Variants in PCDHGA4 observed in about 807,000 individuals in gnomAD.
The protein encoded by PCDHGA4 is protocadherin gamma subfamily A, 4.
In PCDHGA4, 38 loss-of-function variants were observed where a neutral mutation model predicts 54.6. That is an observed-to-expected ratio of 0.70 (90% CI 0.54 to 0.91). PCDHGA4 has a LOEUF of 0.91. Among genes scored for constraint, PCDHGA4 ranks in the 40% least tolerant of loss-of-function variants. The pLI is 0.00. For synonymous variants in PCDHGA4, 511 were observed against 512.9 expected, an observed-to-expected ratio of 1.00 and a Z score of 0.05; for missense variants, 1,298 against 1,220.9, an observed-to-expected ratio of 1.06 and a Z score of -0.94.
At chr5:141,404,287 C>A in intron 1 of PCDHGA4, 1 of 1,613,976 alleles carries the variant, frequency 6.2e-7, no homozygotes, top group Non-Finnish European at 8.5e-7. Flanking sequence ...TGACTGACAT[C>A]AATGATAATC....
At chr5:141,418,563 C>T in intron 1 of PCDHGA4, 2 of 1,613,998 alleles carry the variant, frequency 1.2e-6, no homozygotes, top group Non-Finnish European at 1.7e-6. Context: ...GTAATAGATG[C>T]CAATGACAAC....
intron 1 of PCDHGA4, chr5:141,376,110 G>A (rs772810239): frequency 3.7e-6 from 6 of 1,613,762 alleles, no homozygotes; most frequent in Non-Finnish European, 4.2e-6. Flanking sequence ...GCCGACCTGG[G>A]CAGCCTCGAG....
chr5:141,364,828 T>C (rs57308563), intron 1 of PCDHGA4: 152,960 of 1,613,868 alleles, frequency 0.095, 8,950 homozygotes, highest in African/African-American at 0.29. Flanking sequence ...GTGTGAACTC[T>C]CTCCGGAGTT....
chr5:141,415,007 G>C, intron 1 of PCDHGA4: 1 of 1,613,654 alleles, frequency 6.2e-7, no homozygotes, highest in Non-Finnish European at 8.5e-7. Context: ...CTGTCCTACC[G>C]TCTGCTCAAG....
chr5:141,370,836 A>G, intron 1 of PCDHGA4: 1 of 1,614,018 alleles, frequency 6.2e-7, no homozygotes, highest in Non-Finnish European at 8.5e-7. Context: ...ACTGGCTCTC[A>G]CTGGAGCCAC....
chr5:141,360,084 T>A (rs1761414694), intron 1 of PCDHGA4: 1 of 1,492,590 alleles, frequency 6.7e-7, no homozygotes, highest in South Asian at 1.4e-5. Context: ...GATTCTGCCA[T>A]CCCCGGAAGG....
intron 1 of PCDHGA4, chr5:141,417,959 C>A (rs759279387): frequency 5.0e-6 from 8 of 1,613,734 alleles, no homozygotes; most frequent in Non-Finnish European, 6.8e-6. Context: ...TGAGCCGATC[C>A]GCTACTCGAT....
At chr5:141,418,882 C>T (rs945382775) in intron 1 of PCDHGA4, 8 of 1,613,960 alleles carry the variant, frequency 5.0e-6, no homozygotes, top group Admixed American at 1.7e-5. Flanking sequence ...TAGACGAAAA[C>T]GACAACAGCC....
At position 141,356,178 on chromosome 5, in the gene PCDHGA4, T is replaced by G; in HGVS notation, c.1071T>G (p.Gly357=). 6.2e-7 allele frequency: 1 copy of G among 1,612,292 alleles called. No homozygotes were observed. The highest frequency in any genetic ancestry group is 8.5e-7 in the Non-Finnish European group (1 of 1,179,074). ...ATGTAGAAGCCCATGATGGGCCTGG[T>G]CTCCGAGCTAGAAGCAAGGTACTGG... ...DIDVEAHDGP[G]LRARSKVLVT... Residue 357 remains glycine (G), a synonymous_variant, in exon 1 of 4, where the codon GGT becomes GGG. Transcript: ENST00000571252.
chr5:141,450,826 A>ATTTTT (rs764729742), intron 1 of PCDHGA4, among the ~76,000 whole-genome samples: 2 of 134,302 alleles, frequency 1.5e-5, no homozygotes, highest in African/African-American at 2.9e-5. Flanking sequence ...TATTATTATT[A>ATTTTT]TTATTTTTTT....
rs1160642304 is a variant in PCDHGA4 at position 141,415,415 on chromosome 5, T to C, written c.2514+57794T>C. 7 of 1,614,084 alleles carry C rather than the reference T, an allele frequency of 4.3e-6. No individual in the cohort carries two copies. In the Admixed American group the frequency reaches 8.3e-5, roughly 19 times the overall value. Reference sequence around the variant, plus strand: ...GTGTCCGGCTCGCACTTTGTGGGCGTGGACGGGGTTCGGGCTTTCCTGCAG... The same window carrying C: ...GTGTCCGGCTCGCACTTTGTGGGCGCGGACGGGGTTCGGGCTTTCCTGCAG... On this transcript the variant is annotated intron_variant, in intron 1 of 3. Coordinates refer to ENST00000571252, the MANE Select transcript of PCDHGA4 (RefSeq NM_018917.4).
At position 141,433,356 on chromosome 5, in the gene PCDHGA4, T is replaced by A. The variant is rs549297958; in HGVS notation, c.2515-61451T>A. On this transcript the variant is annotated intron_variant, in intron 1 of 3. Transcript: ENST00000571252. ...CTACAGGTGCAAGCCACCTACTGTC[T>A]GCCTATCTATCTATCTATCTATCTA... The A allele has an allele frequency of 8.4e-5, 51 of 607,892 alleles. No homozygotes were observed. The African/African-American group carries it at 9.5e-4, about 11-fold the overall frequency. 37.7% of individuals were successfully genotyped at this position (607,892 alleles called of 1,614,324 possible).
intron 1 of PCDHGA4, among the ~76,000 whole-genome samples, chr5:141,382,389 T>A (rs1778164859): frequency 6.6e-6 from 1 of 152,228 alleles, no homozygotes; most frequent in South Asian, 2.1e-4. Flanking sequence ...AATAACTGAT[T>A]TTCCCATGTG....
At position 141,432,370 on chromosome 5, in the gene PCDHGA4, C is replaced by A. The variant is rs1362496624; in HGVS notation, c.2515-62437C>A. On this transcript the variant is annotated intron_variant, in intron 1 of 3. Transcript: ENST00000571252. The surrounding 1 kb of genome is among the most constrained non-coding windows in gnomAD (Gnocchi z 6.0). Reference sequence around the variant, plus strand: ...AAGTGAAAGTGATGGCGCGGGACAACGGGCACCCGCCCCTCAGCAGCAACG... The same window carrying A: ...AAGTGAAAGTGATGGCGCGGGACAAAGGGCACCCGCCCCTCAGCAGCAACG... The A allele has an allele frequency of 6.2e-7, 1 of 1,614,240 alleles. No homozygotes were observed. The highest frequency in any genetic ancestry group is 8.5e-7 in the Non-Finnish European group (1 of 1,180,048).
chr5:141,428,200 G>A (rs1000165985), intron 1 of PCDHGA4: 3 of 1,363,858 alleles, frequency 2.2e-6, no homozygotes, highest in East Asian at 2.3e-5. Flanking sequence ...TCTCTGCGCC[G>A]CTACGCTTCA....
intron 1 of PCDHGA4, among the ~76,000 whole-genome samples, chr5:141,437,807 G>T (rs910427301): frequency 6.7e-6 from 1 of 149,476 alleles, no homozygotes; most frequent in Non-Finnish European, 1.5e-5. Flanking sequence ...GCACTATCTT[G>T]GCTCACTGCA....
At chr5:141,399,798 G>A in intron 1 of PCDHGA4, 1 of 1,613,236 alleles carries the variant, frequency 6.2e-7, no homozygotes. Context: ...ACGCACCGCG[G>A]GTGCTGTACC....
At chr5:141,408,308 T>C in intron 1 of PCDHGA4, 1 of 1,613,744 alleles carries the variant, frequency 6.2e-7, no homozygotes, top group South Asian at 1.1e-5. Flanking sequence ...GATCCGCTAC[T>C]CGATTCCGGA....
chr5:141,375,065 C>T (rs1366674805), intron 1 of PCDHGA4: 36 of 1,613,814 alleles, frequency 2.2e-5, no homozygotes, highest in Middle Eastern at 1.6e-4. Context: ...GCCAGGTCTT[C>T]GAGACAGAGC....
Sources: gnomAD v4.1 joint callset for allele counts (sites outside exome capture counted in the v4.1 genomes callset) on GRCh38, gnomAD v4.1.1 for gene constraint, Gnocchi (gnomAD v3.1) non-coding constraint, MANE v1.5 for transcripts, NCBI Gene and HGNC (gene_info 2026-07-23, HGNC 2026-07-21) for gene names.